JMJD1C: variants seen among roughly 807,000 people sequenced by gnomAD.
JMJD1C encodes jumonji domain-containing protein 1C.
JMJD1C carries 31 observed loss-of-function variants against 245.3 expected under a neutral mutation model. The observed-to-expected ratio is 0.13, with a 90% CI of 0.09 to 0.17. The LOEUF (loss-of-function observed/expected upper bound fraction) is 0.17, where lower values mean the gene tolerates loss of function less well. JMJD1C is among the 10% of genes least tolerant of loss of function. JMJD1C has a pLI of 1.00. For missense variants in JMJD1C, 2,691 were observed against 3,000.2 expected, an observed-to-expected ratio of 0.90 and a Z score of 2.41; for synonymous variants, 1,057 against 1,017.4, an observed-to-expected ratio of 1.04 and a Z score of -0.74.
chr10:63,263,919 G>A (rs547839674), intron 3 of JMJD1C, among the ~76,000 whole-genome samples: 15 of 137,606 alleles, frequency 1.1e-4, no homozygotes, highest in Non-Finnish European at 1.8e-4. Context: ...GTGAAAGAGT[G>A]AGACTCCATC....
chr10:63,284,785 C>A (rs140247825), intron 2 of JMJD1C, among the ~76,000 whole-genome samples: 4 of 151,420 alleles, frequency 2.6e-5, no homozygotes, highest in African/African-American at 9.7e-5. Flanking sequence ...GTGGCCAGAG[C>A]TTATCCTAGA....
chr10:63,206,863 G>T lies in JMJD1C; in HGVS notation c.4806C>A (p.Ile1602=). The change falls in exon 10 of 26, where the codon ATC becomes ATA. Residue 1602 remains isoleucine (I), a synonymous_variant. Transcript: ENST00000399262. The part of the protein sequence containing the change: ...SDIQNSVDSK[I]IVDKYVKDDK... The stretch of plus-strand genomic sequence containing the variant: ...CATCTTTTACATATTTATCAACTAT[G>T]ATCTTACTATCTACACTATTTTGTA... 1.2e-6 allele frequency: 2 copies of T among 1,606,202 alleles called. No homozygotes were observed. The highest frequency in any genetic ancestry group is 1.7e-6 in the Non-Finnish European group (2 of 1,176,554).
intron 1 of JMJD1C, among the ~76,000 whole-genome samples, chr10:63,472,232 C>T (rs1953512764): frequency 6.6e-6 from 1 of 151,886 alleles, no homozygotes; most frequent in Admixed American, 6.6e-5. Context: ...ATAATTTCAA[C>T]TATTCTAGCT....
intron 1 of JMJD1C, among the ~76,000 whole-genome samples, chr10:63,422,239 C>A (rs1950168539): frequency 6.6e-6 from 1 of 152,028 alleles, no homozygotes. Flanking sequence ...TGGTGAAACC[C>A]CAGTTCTACT....
At chr10:63,402,136 AAAAAAAG>A (rs1308616757) in intron 1 of JMJD1C, among the ~76,000 whole-genome samples, 3 of 135,664 alleles carry the variant, frequency 2.2e-5, no homozygotes, top group Admixed American at 7.1e-5. Context: ...TCCGTCTCAA[AAAAAAAG>A]AAAAAAAAAC....
rs772466006 is a variant in JMJD1C at position 63,206,864 on chromosome 10, A to C, written c.4805T>G (p.Ile1602Ser). Residue 1602 changes from isoleucine to serine, a missense_variant, in exon 10 of 26, where the codon ATC (isoleucine) becomes AGC (serine). This residue lies in a region of JMJD1C where 144 missense variants were observed against 143.3 expected (regional missense o/e 1.00). Coordinates refer to ENST00000399262, the MANE Select transcript of JMJD1C (RefSeq NM_032776.3). ...SDIQNSVDSK[I>S]IVDKYVKDDK... is the part of the protein sequence containing the mutation. Reference sequence around the variant, plus strand: ...ATCTTTTACATATTTATCAACTATGATCTTACTATCTACACTATTTTGTAT... The same window carrying C: ...ATCTTTTACATATTTATCAACTATGCTCTTACTATCTACACTATTTTGTAT... The C allele has an allele frequency of 2.5e-6, 4 of 1,606,418 alleles. No homozygotes were observed. The highest frequency in any genetic ancestry group is 3.4e-6 in the Non-Finnish European group (4 of 1,176,512).
rs941064607 is a variant in JMJD1C, at chr10:63,208,228, T to C, written c.3441A>G (p.Pro1147=). 1 of 1,613,950 alleles carries C rather than the reference T, an allele frequency of 6.2e-7. No individual in the cohort carries two copies. Among genetic ancestry groups the C allele is most frequent in the Non-Finnish European group, 8.5e-7 (1 of 1,179,848 alleles). The change falls in exon 10 of 26, where the codon CCA becomes CCG. Residue 1147 remains proline, a synonymous_variant. Coordinates refer to ENST00000399262, the MANE Select transcript of JMJD1C (RefSeq NM_032776.3). ...TSFITSLSKP[P]PLIKHQPESE... is the part of the protein sequence containing the mutation. ...TTTCTGGTTGGTGTTTAATCAAAGG[T>C]GGAGGCTTTGAAAGAGATGTTATAA... is the stretch of plus-strand genomic sequence containing the variant.
At chr10:63,182,683 A>G (rs1230533411) in intron 22 of JMJD1C, among the ~76,000 whole-genome samples, 1 of 152,226 alleles carries the variant, frequency 6.6e-6, no homozygotes, top group Non-Finnish European at 1.5e-5. Flanking sequence ...ATGGTTTCAG[A>G]AAGAAATTGA....
rs1188371319 is a variant in JMJD1C, at chr10:63,372,124, G to C, written c.333+8194C>G. On this transcript the variant is annotated intron_variant, in intron 2 of 25. Coordinates refer to ENST00000399262, the MANE Select transcript of JMJD1C (RefSeq NM_032776.3). Reference sequence around the variant, plus strand: ...AGTGAACTCTATTCTCCTTTGAGGGGGTTTCTTTTGGAACAGATAGTAAGT... The same window carrying C: ...AGTGAACTCTATTCTCCTTTGAGGGCGTTTCTTTTGGAACAGATAGTAAGT... Among the ~76,000 whole-genome samples the C allele has an allele frequency of 2.6e-5, 4 of 152,034 alleles. No individual in the cohort carries two copies. The East Asian group carries it at 7.7e-4, about 29-fold the overall frequency.
At chr10:63,281,802 T>C (rs980311598) in intron 2 of JMJD1C, among the ~76,000 whole-genome samples, 2 of 152,098 alleles carry the variant, frequency 1.3e-5, no homozygotes, top group Non-Finnish European at 2.9e-5. Context: ...AAATTAAATA[T>C]AATTCTGTGG....
At chr10:63,289,783 A>C (rs1435711174) in intron 2 of JMJD1C, among the ~76,000 whole-genome samples, 1 of 152,204 alleles carries the variant, frequency 6.6e-6, no homozygotes, top group Non-Finnish European at 1.5e-5. Context: ...ATACTATAAC[A>C]AGATTTTACA....
At chr10:63,301,607 A>C (rs1280214850) in intron 2 of JMJD1C, among the ~76,000 whole-genome samples, 1 of 152,198 alleles carries the variant, frequency 6.6e-6, no homozygotes, top group Non-Finnish European at 1.5e-5. Flanking sequence ...GGAGTTGAAC[A>C]ATGAGAACAC....
At chr10:63,460,773 T>G (rs1952737748) in intron 1 of JMJD1C, among the ~76,000 whole-genome samples, 1 of 152,204 alleles carries the variant, frequency 6.6e-6, no homozygotes, top group South Asian at 2.1e-4. Context: ...TGCTTTCAAT[T>G]ACATTGAAAT....
At chr10:63,407,927 T>C (rs951671039) in intron 1 of JMJD1C, among the ~76,000 whole-genome samples, 2 of 151,506 alleles carry the variant, frequency 1.3e-5, no homozygotes, top group African/African-American at 4.8e-5. Flanking sequence ...AAGTAGAACA[T>C]AAAGGATATA....
chr10:63,363,163 A>C (rs7076840), intron 2 of JMJD1C, among the ~76,000 whole-genome samples: 3,245 of 151,788 alleles, frequency 0.021, 112 homozygotes, highest in African/African-American at 0.073. Flanking sequence ...TATTCTTGAG[A>C]GAATGTACTG....
At chr10:63,338,020 C>G (rs1943012117) in intron 2 of JMJD1C, among the ~76,000 whole-genome samples, 1 of 152,164 alleles carries the variant, frequency 6.6e-6, no homozygotes, top group South Asian at 2.1e-4. Context: ...GAGAGTAAAA[C>G]CCATGTCAGC....
intron 3 of JMJD1C, chr10:63,222,419 C>A: frequency 1.1e-6 from 1 of 920,468 alleles, no homozygotes; most frequent in Non-Finnish European, 1.8e-6. Context: ...AAAGAATAAC[C>A]CTGATCTTTA....
rs35442695 is a variant in JMJD1C at position 63,277,731 on chromosome 10, C to CTTTTTTTTTTTTTTTTTT, written c.334-12985_334-12968dup. ...TATTCATTGAGAGTAATTTGCATTT[C>CTTTTTTTTTTTTTTTTTT]TTTTTTTTTTTTTTTTTTTTTTTTG... On this transcript the variant is annotated intron_variant, in intron 2 of 25. Transcript: ENST00000399262. 2.2e-3 allele frequency among the ~76,000 whole-genome samples: 139 copies of CTTTTTTTTTTTTTTTTTT among 64,274 alleles called. 19 individuals carry two copies. Among genetic ancestry groups the CTTTTTTTTTTTTTTTTTT allele is most frequent in the Non-Finnish European group, 2.6e-3 (100 of 38,440 alleles). The allele number at this position is 64,274 out of a possible 152,430, so 42.2% of individuals were successfully genotyped here.
chr10:63,318,397 C>T (rs556527914), intron 2 of JMJD1C, among the ~76,000 whole-genome samples: 9 of 152,224 alleles, frequency 5.9e-5, no homozygotes, highest in African/African-American at 2.2e-4. Context: ...GTGTTGTTCA[C>T]CTCTAAATGT....
Sources: gnomAD v4.1 joint callset for allele counts (sites outside exome capture counted in the v4.1 genomes callset) on GRCh38, gnomAD v4.1.1 for gene constraint, gnomAD v4.1.1 regional missense constraint, MANE v1.5 for transcripts, NCBI Gene and HGNC (gene_info 2026-07-23, HGNC 2026-07-21) for gene names.